TENM1: variants seen among roughly 807,000 people sequenced by gnomAD.
TENM1 encodes teneurin transmembrane protein 1.
A neutral mutation model predicts 174.8 loss-of-function variants in TENM1; 35 were observed. The observed-to-expected ratio is 0.20, with a 90% CI of 0.15 to 0.27. The LOEUF is 0.27. TENM1 is among the 10% of genes least tolerant of loss of function. The probability of loss-of-function intolerance (pLI) is 1.00; values close to 1 mark genes in which losing one functional copy is unlikely to be tolerated. For synonymous variants in TENM1, 781 were observed against 798.7 expected (o/e 0.98, Z 0.37); for missense variants, 1,633 against 2,130.1 (o/e 0.77, Z 4.59).
chrX:124,478,989 T>C (rs2046790998), intron 22 of TENM1, among the ~76,000 whole-genome samples: 1 of 112,360 alleles, frequency 8.9e-6, no homozygotes, highest in African/African-American at 3.2e-5. Flanking sequence ...CAGCATTTCA[T>C]TTAAAGAGAA....
At chrX:124,584,944 A>G (rs770366688) in intron 11 of TENM1, among the ~76,000 whole-genome samples, 1,792 of 109,908 alleles carry the variant, frequency 0.016, 32 homozygotes, top group African/African-American at 0.047. Context: ...AAAGAAGGCC[A>G]TTACATAATG....
At chrX:124,526,942 T>C (rs2047989667) in intron 16 of TENM1, among the ~76,000 whole-genome samples, 1 of 112,267 alleles carries the variant, frequency 8.9e-6, no homozygotes, top group Non-Finnish European at 1.9e-5. Context: ...CTGAACTATT[T>C]ACAAATAGTT....
At chrX:124,564,332 T>C (rs897568695) in intron 12 of TENM1, among the ~76,000 whole-genome samples, 1 of 112,150 alleles carries the variant, frequency 8.9e-6, no homozygotes, top group Non-Finnish European at 1.9e-5. Context: ...GAAGATTATA[T>C]GTTATATGTA....
At chrX:124,974,322 G>A in the TENM1 span, among the ~76,000 whole-genome samples, 1 of 111,378 alleles carries the variant, frequency 9.0e-6, no homozygotes, top group African/African-American at 3.3e-5. Flanking sequence ...AAACTTTGGA[G>A]GACACATTCA....
intron 4 of TENM1, among the ~76,000 whole-genome samples, chrX:124,722,103 T>G (rs2053323484): frequency 8.9e-6 from 1 of 112,283 alleles, no homozygotes; most frequent in South Asian, 3.7e-4. Flanking sequence ...TTTGAAAGAT[T>G]AGACTGTCAT....
chrX:125,046,854 A>ATGTG, the TENM1 span, among the ~76,000 whole-genome samples: 2 of 87,280 alleles, frequency 2.3e-5, no homozygotes, highest in South Asian at 5.0e-4. Context: ...GTGTGTGTGC[A>ATGTG]TGCGTGTGTG....
intron 11 of TENM1, among the ~76,000 whole-genome samples, chrX:124,597,938 G>A (rs761680804): frequency 4.5e-5 from 5 of 111,352 alleles, no homozygotes; most frequent in Admixed American, 9.6e-5. Context: ...ACAAAGTGAA[G>A]AAACAACCCA....
chrX:124,908,617 T>C (rs375565151), intron 1 of TENM1, among the ~76,000 whole-genome samples: 1 of 110,989 alleles, frequency 9.0e-6, no homozygotes. Context: ...CTATTGTACA[T>C]AGTGTTGCAA....
At chrX:124,603,414 T>G (rs780488878) in intron 11 of TENM1, among the ~76,000 whole-genome samples, 3 of 111,864 alleles carry the variant, frequency 2.7e-5, no homozygotes, top group Non-Finnish European at 5.7e-5. Flanking sequence ...TACTAAGCAC[T>G]GTGCTGAATG....
intron 18 of TENM1, among the ~76,000 whole-genome samples, chrX:124,505,013 G>C (rs1043000978): frequency 8.9e-6 from 1 of 111,960 alleles, no homozygotes; most frequent in Non-Finnish European, 1.9e-5. Flanking sequence ...TAAATTGCAG[G>C]CTGGCTTCTC....
chrX:124,585,636 C>G (rs1022417279), intron 11 of TENM1, among the ~76,000 whole-genome samples: 28 of 110,209 alleles, frequency 2.5e-4, no homozygotes, highest in African/African-American at 8.3e-4. Flanking sequence ...ACTAGAAAAG[C>G]AAGAGCAAAC....
intron 3 of TENM1, among the ~76,000 whole-genome samples, chrX:124,803,799 T>C (rs1268764595): frequency 2.7e-5 from 3 of 112,144 alleles, no homozygotes; most frequent in Admixed American, 9.5e-5. Context: ...ATATAATCCA[T>C]AATAAATTCT....
intron 11 of TENM1, among the ~76,000 whole-genome samples, chrX:124,606,950 G>C (rs2050173387): frequency 9.1e-6 from 1 of 110,339 alleles, no homozygotes; most frequent in African/African-American, 3.3e-5. Context: ...GGAATAAGAG[G>C]ATGAGGATGA....
At chrX:124,878,856 T>C (rs2057254500) in intron 3 of TENM1, among the ~76,000 whole-genome samples, 1 of 111,709 alleles carries the variant, frequency 9.0e-6, no homozygotes, top group Admixed American at 9.5e-5. Context: ...GAAGGCTGGC[T>C]CACGGAAGAC....
chrX:124,866,115 C>T (rs1327348144), intron 3 of TENM1, among the ~76,000 whole-genome samples: 1 of 111,701 alleles, frequency 9.0e-6, no homozygotes, highest in Non-Finnish European at 1.9e-5. Context: ...GACAGAAAAT[C>T]AACAAAGAAA....
chrX:124,490,752 T>C (rs767195107), intron 20 of TENM1, among the ~76,000 whole-genome samples: 1 of 112,132 alleles, frequency 8.9e-6, no homozygotes, highest in South Asian at 3.7e-4. Context: ...ATGAGGTTTT[T>C]ATAAAGAATA....
At chrX:124,387,633 C>T (rs2060235969) in intron 28 of TENM1, among the ~76,000 whole-genome samples, 1 of 112,425 alleles carries the variant, frequency 8.9e-6, no homozygotes, top group African/African-American at 3.2e-5. Context: ...TATGACATTA[C>T]ATTCTAATAT....
At chrX:124,939,734 G>A (rs2058297849) in intron 1 of TENM1, among the ~76,000 whole-genome samples, 1 of 111,213 alleles carries the variant, frequency 9.0e-6, no homozygotes, top group African/African-American at 3.3e-5. Flanking sequence ...TTATGTATCA[G>A]TCAGGGCTTT....
At chrX:124,419,961 T>C (rs191704851) in intron 25 of TENM1, among the ~76,000 whole-genome samples, 1 of 112,278 alleles carries the variant, frequency 8.9e-6, no homozygotes, top group East Asian at 2.8e-4. Context: ...TTTGCTGCTT[T>C]AGAACTACAG....
Sources: allele counts gnomAD v4.1 joint callset (sites outside exome capture counted in the v4.1 genomes callset), GRCh38; gene constraint gnomAD v4.1.1; transcripts MANE v1.5; gene names NCBI Gene and HGNC (gene_info 2026-07-23, HGNC 2026-07-21).